The following LIMCH1 variants were observed in gnomAD, a reference collection of about 807,000 sequenced individuals.
LIMCH1 encodes LIM and calponin homology domains 1, also known as LIM and calponin homology domains-containing protein 1.
A neutral mutation model predicts 176.5 loss-of-function variants in LIMCH1; 113 were observed. The ratio of observed to expected loss-of-function variants is 0.64; its 90% CI spans 0.55 to 0.75. LIMCH1 has a LOEUF of 0.75. LIMCH1 is among the 30% of genes least tolerant of loss of function. The pLI, the probability that LIMCH1 is intolerant of heterozygous loss-of-function variation, is 0.00. For synonymous variants in LIMCH1, 619 were observed against 645.9 expected (o/e 0.96, Z 0.63); for missense variants, 1,674 against 1,814.9 (o/e 0.92, Z 1.41).
At chr4:41,551,776 C>T (rs565750472) in intron 1 of LIMCH1, among the ~76,000 whole-genome samples, 6 of 152,190 alleles carry the variant, frequency 3.9e-5, no homozygotes, top group African/African-American at 9.6e-5. Context: ...ATGTAGTATC[C>T]ATGGCTACTT....
chr4:41,458,006 G>A (rs573954928), intron 1 of LIMCH1, among the ~76,000 whole-genome samples: 23 of 152,288 alleles, frequency 1.5e-4, no homozygotes, highest in African/African-American at 5.3e-4. Context: ...TAATAAGTAT[G>A]TTGATAAGAT....
At position 41,650,393 on chromosome 4, in the gene LIMCH1, G is replaced by C. The variant is rs2094242911; in HGVS notation, c.2821G>C (p.Val941Leu). ...NSQDVLKTFK[V>L]DGKVSVNGET... ...TTTTTGTTCATTCTGGCTTTTATAG[G>C]TAGACGGGAAAGTCAGTGTGAATGG... Residue 941 changes from valine to leucine, a missense_variant and splice_region_variant, in exon 18 of 32, where the codon GTA becomes CTA. By Grantham distance (32) the Val-to-Leu change is conservative (BLOSUM62 1). Coordinates refer to ENST00000503057, the MANE Select transcript of LIMCH1 (RefSeq NM_001330672.2). 2.5e-6 allele frequency: 4 copies of C among 1,613,052 alleles called. No homozygotes were observed. Among genetic ancestry groups the C allele is most frequent in the Non-Finnish European group, 3.4e-6 (4 of 1,179,102 alleles).
At chr4:41,584,507 G>T (rs1340427084) in intron 1 of LIMCH1, among the ~76,000 whole-genome samples, 1 of 152,178 alleles carries the variant, frequency 6.6e-6, no homozygotes, top group African/African-American at 2.4e-5. Flanking sequence ...TTTAGGAAAA[G>T]CTGAGTTAAA....
intron 1 of LIMCH1, chr4:41,494,404 C>T: frequency 1.7e-6 from 1 of 589,946 alleles, no homozygotes; most frequent in East Asian, 2.9e-5. Flanking sequence ...CGTACATACA[C>T]ATAAACATAC....
chr4:41,379,732 T>C (rs189769915), intron 1 of LIMCH1, among the ~76,000 whole-genome samples: 129 of 152,356 alleles, frequency 8.5e-4, no homozygotes, highest in East Asian at 3.9e-4. Context: ...AGATAAATGA[T>C]GACGGTAAGA....
chr4:41,407,343 C>G (rs2059068574), intron 1 of LIMCH1, among the ~76,000 whole-genome samples: 1 of 152,204 alleles, frequency 6.6e-6, no homozygotes, highest in Non-Finnish European at 1.5e-5. Flanking sequence ...ATCCTCCCAC[C>G]TCAGCCACCT....
At chr4:41,549,302 C>T (rs892624638) in intron 1 of LIMCH1, among the ~76,000 whole-genome samples, 4 of 152,104 alleles carry the variant, frequency 2.6e-5, no homozygotes, top group African/African-American at 9.7e-5. Context: ...TATTTCTATT[C>T]TTTACTCTTC....
chr4:41,506,735 G>GA (rs2074209019), intron 2 of LIMCH1, among the ~76,000 whole-genome samples: 1 of 152,158 alleles, frequency 6.6e-6, no homozygotes, highest in Admixed American at 6.5e-5. Context: ...TCTTTATAGA[G>GA]AAAAACAAGT....
intron 22 of LIMCH1, among the ~76,000 whole-genome samples, chr4:41,675,748 T>C (rs1307813616): frequency 6.6e-6 from 1 of 152,020 alleles, no homozygotes; most frequent in Admixed American, 6.5e-5. Flanking sequence ...TTCCTCATTA[T>C]TTACTTGGTT....
At chr4:41,390,271 A>AGAGAGAGAGAGAGAGAGAGC (rs1339324639) in intron 1 of LIMCH1, among the ~76,000 whole-genome samples, 1 of 150,266 alleles carries the variant, frequency 6.7e-6, no homozygotes, top group African/African-American at 2.5e-5. Flanking sequence ...AGAGAGAGAG[A>AGAGAGAGAGAGAGAGAGAGC]GAGCGAGAGC....
chr4:41,598,947 TG>T lies in LIMCH1; in HGVS notation c.-212del. ...CAATATTATCTTATTCTTGAGAGGT[TG>T]TAAAGAGCTCGGCCTTAAAGAATCT... is the stretch of plus-strand genomic sequence containing the variant. On this transcript the variant is annotated 5_prime_UTR_variant, in exon 2 of 32. The change abolishes the stop of an existing upstream ORF in the 5' untranslated region. Coordinates refer to ENST00000503057, the MANE Select transcript of LIMCH1 (RefSeq NM_001330672.2). 6.2e-7 allele frequency: 1 copy of T among 1,610,376 alleles called. No individual in the cohort carries two copies. The highest frequency in any genetic ancestry group is 8.5e-7 in the Non-Finnish European group (1 of 1,176,848).
chr4:41,657,077 C>T (rs2094484788), intron 18 of LIMCH1, among the ~76,000 whole-genome samples: 1 of 152,238 alleles, frequency 6.6e-6, no homozygotes, highest in Non-Finnish European at 1.5e-5. Context: ...GGCCCCAGGG[C>T]TGAGTCTGGC....
chr4:41,629,459 C>A, intron 8 of LIMCH1, 33 bp from the exon 9 acceptor site: 2 of 1,531,584 alleles, frequency 1.3e-6, no homozygotes, highest in South Asian at 1.2e-5. Context: ...CTTGATTTTT[C>A]CATTGGTGTG....
At chr4:41,544,136 A>G (rs913168594) in intron 1 of LIMCH1, among the ~76,000 whole-genome samples, 2 of 151,220 alleles carry the variant, frequency 1.3e-5, no homozygotes, top group Non-Finnish European at 2.9e-5. Flanking sequence ...TGGATGCTTT[A>G]CGTGTTATGC....
intron 2 of LIMCH1, among the ~76,000 whole-genome samples, chr4:41,497,784 A>G (rs1018217392): frequency 1.3e-5 from 2 of 149,864 alleles, no homozygotes; most frequent in African/African-American, 5.0e-5. Context: ...CAGCCTGGGC[A>G]ACAAGAGCGA....
intron 13 of LIMCH1, among the ~76,000 whole-genome samples, chr4:41,634,223 G>C (rs546914884): frequency 2.3e-4 from 35 of 152,318 alleles, no homozygotes; most frequent in Non-Finnish European, 4.3e-4. Flanking sequence ...GCCTTCTGCA[G>C]TAGGATTTCT....
intron 7 of LIMCH1, among the ~76,000 whole-genome samples, chr4:41,623,218 A>T (rs1168863741): frequency 6.6e-6 from 1 of 152,206 alleles, no homozygotes; most frequent in Non-Finnish European, 1.5e-5. Flanking sequence ...AATCATTGAA[A>T]TACGCTGATA....
At chr4:41,483,340 T>A (rs1014789768) in intron 1 of LIMCH1, among the ~76,000 whole-genome samples, 10 of 152,294 alleles carry the variant, frequency 6.6e-5, no homozygotes, top group African/African-American at 2.2e-4. Context: ...TCTTCCCCAA[T>A]GGTCTCTGTC....
At chr4:41,532,034 G>T (rs1000911254) in intron 3 of LIMCH1, among the ~76,000 whole-genome samples, 2 of 152,120 alleles carry the variant, frequency 1.3e-5, no homozygotes, top group East Asian at 1.9e-4. Context: ...AGAAACCTCG[G>T]TTGCGTTCCC....
Sources: gnomAD v4.1 joint callset for allele counts (sites outside exome capture counted in the v4.1 genomes callset) on GRCh38, gnomAD v4.1.1 for gene constraint, MANE v1.5 for transcripts, NCBI Gene and HGNC (gene_info 2026-07-23, HGNC 2026-07-21) for gene names.